DPYD: variants seen among roughly 807,000 people sequenced by gnomAD.
DPYD encodes the protein dihydropyrimidine dehydrogenase [NADP(+)].
In DPYD, 109 loss-of-function variants were observed where a neutral mutation model predicts 116.2. The observed-to-expected ratio is 0.94, with a 90% CI of 0.80 to 1.10. The LOEUF (loss-of-function observed/expected upper bound fraction) is 1.10, where lower values mean the gene tolerates loss of function less well. Among genes scored for constraint, DPYD ranks in the 50% least tolerant of loss-of-function variants. The pLI is 0.00. For missense variants in DPYD, 1,302 were observed against 1,254.5 expected (o/e 1.04, Z -0.57); for synonymous variants, 440 against 432.0 (o/e 1.02, Z -0.23).
At chr1:97,379,326 A>G (rs1671806493) in intron 15 of DPYD, among the ~76,000 whole-genome samples, 1 of 152,216 alleles carries the variant, frequency 6.6e-6, no homozygotes, top group Non-Finnish European at 1.5e-5. Flanking sequence ...AAATTAGGAA[A>G]GATGGAAAGA....
chr1:97,242,928 T>C (rs1445265057), intron 18 of DPYD, among the ~76,000 whole-genome samples: 1 of 151,842 alleles, frequency 6.6e-6, no homozygotes, highest in Non-Finnish European at 1.5e-5. Context: ...CATCAAATAT[T>C]TGAAGGATAA....
rs1039232875 is a variant in DPYD, at chr1:97,386,178, T to C, written c.1906-3717A>G. The stretch of plus-strand genomic sequence containing the variant: ...CCCTATCCATTGAAAGCAGACTCTA[T>C]CTTCTTGCCCAGAAAGATGAGAAAG... On this transcript the variant is annotated intron_variant, in intron 14 of 22. Transcript: ENST00000370192. Among the ~76,000 whole-genome samples the C allele has an allele frequency of 3.3e-5, 5 of 152,184 alleles. No individual in the cohort carries two copies. In the East Asian group the frequency reaches 7.8e-4, roughly 24 times the overall value.
intron 21 of DPYD, among the ~76,000 whole-genome samples, chr1:97,089,752 C>T (rs965741447): frequency 1.3e-5 from 2 of 151,520 alleles, no homozygotes; most frequent in African/African-American, 4.9e-5. Context: ...GGAAATCATG[C>T]AGATGCCAGG....
At chr1:97,248,950 G>C (rs1478745985) in intron 18 of DPYD, among the ~76,000 whole-genome samples, 1 of 152,062 alleles carries the variant, frequency 6.6e-6, no homozygotes, top group East Asian at 1.9e-4. Context: ...AAAAATTCAT[G>C]ATACTTCAGA....
intron 14 of DPYD, among the ~76,000 whole-genome samples, chr1:97,413,624 C>T (rs922947774): frequency 9.2e-5 from 14 of 152,002 alleles, no homozygotes; most frequent in Non-Finnish European, 5.9e-5. Flanking sequence ...AGGCCCATGC[C>T]ACCACACCTG....
intron 13 of DPYD, among the ~76,000 whole-genome samples, chr1:97,510,117 A>C (rs540129004): frequency 6.8e-6 from 1 of 148,058 alleles, no homozygotes; most frequent in Admixed American, 6.8e-5. Flanking sequence ...AAACAACAAC[A>C]AAAAAAAAAA....
chr1:97,445,454 T>C (rs1271089467), intron 14 of DPYD, among the ~76,000 whole-genome samples: 2 of 152,198 alleles, frequency 1.3e-5, no homozygotes, highest in Non-Finnish European at 2.9e-5. Context: ...TAACCTAATA[T>C]GTAACTTAAA....
At chr1:97,240,383 GT>G (rs1662252008) in intron 18 of DPYD, among the ~76,000 whole-genome samples, 1 of 151,952 alleles carries the variant, frequency 6.6e-6, no homozygotes, top group African/African-American at 2.4e-5. Context: ...GCAAGAGAGT[GT>G]GGAACATATG....
intron 1 of DPYD, among the ~76,000 whole-genome samples, chr1:97,905,627 G>A (rs1673574741): frequency 6.6e-6 from 1 of 152,030 alleles, no homozygotes; most frequent in East Asian, 1.9e-4. Context: ...AGTGATTGAT[G>A]ATATCTCATC....
intron 14 of DPYD, 82 bp downstream of exon 14, chr1:97,449,977 A>G: frequency 5.9e-6 from 9 of 1,533,918 alleles, no homozygotes; most frequent in Non-Finnish European, 8.1e-6. Context: ...ATTAATATTT[A>G]TAAGCCTATG....
chr1:97,086,296 C>T lies in DPYD; in HGVS notation c.2767-3826G>A, dbSNP rs190192292. On this transcript the variant is annotated intron_variant, in intron 21 of 22. Transcript: ENST00000370192. ...TCAAACTCTTGACCTTGTGTCCACC[C>T]GCCTTGGCCTCCCAAAGTGCTGGGA... Among the ~76,000 whole-genome samples the T allele has an allele frequency of 4.1e-3, 618 of 151,936 alleles. 3 individuals are homozygous for T. Among genetic ancestry groups the T allele is most frequent in the South Asian group, 0.01 (49 of 4,806 alleles).
intron 19 of DPYD, among the ~76,000 whole-genome samples, chr1:97,202,918 G>A (rs1197786107): frequency 6.6e-6 from 1 of 152,178 alleles, no homozygotes; most frequent in Admixed American, 6.6e-5. Flanking sequence ...GGTGATTACT[G>A]TTCTGTCTCT....
intron 14 of DPYD, among the ~76,000 whole-genome samples, chr1:97,410,095 A>G (rs1433837459): frequency 9.3e-6 from 1 of 108,038 alleles, no homozygotes; most frequent in Non-Finnish European, 2.1e-5. Flanking sequence ...GAAGAAGAAG[A>G]AAAAAAAAAA....
intron 16 of DPYD, among the ~76,000 whole-genome samples, chr1:97,311,500 C>T (rs1294197366): frequency 2.0e-5 from 3 of 151,644 alleles, no homozygotes; most frequent in African/African-American, 7.3e-5. Flanking sequence ...TATCTATCTA[C>T]CAGATTGGGG....
intron 2 of DPYD, among the ~76,000 whole-genome samples, chr1:97,830,875 A>C (rs1174010219): frequency 1.3e-5 from 2 of 152,142 alleles, no homozygotes; most frequent in Non-Finnish European, 2.9e-5. Flanking sequence ...CACTATAATG[A>C]GTAGAAGCGG....
intron 5 of DPYD, among the ~76,000 whole-genome samples, chr1:97,703,033 C>T (rs1248859012): frequency 1.3e-5 from 2 of 152,040 alleles, no homozygotes; most frequent in South Asian, 2.1e-4. Context: ...TGCTCAACCC[C>T]GTGCACTGCA....
chr1:97,317,989 A>C (rs1570503036), intron 16 of DPYD, among the ~76,000 whole-genome samples: 2 of 151,780 alleles, frequency 1.3e-5, no homozygotes, highest in East Asian at 3.9e-4. Flanking sequence ...TAAGCTTCAT[A>C]AGTGAAGGAG....
Position 97,098,591 on chromosome 1 carries a change from T to A in DPYD, c.2664A>T (p.Lys888Asn), listed in dbSNP as rs779573574. Residue 888 changes from lysine (K) to asparagine (N), a missense_variant, in exon 21 of 23, where the codon AAA becomes AAT. Coordinates refer to ENST00000370192, the MANE Select transcript of DPYD (RefSeq NM_000110.4). ...SFGPYLEQRK[K>N]IIAENKIRLK... Reference sequence around the variant, plus strand: ...GTCTAATCTTGTTTTCTGCTATGATTTTCTTGCGCTGTTCCAGATAAGGTC... The same window carrying A: ...GTCTAATCTTGTTTTCTGCTATGATATTCTTGCGCTGTTCCAGATAAGGTC... 1.2e-6 allele frequency: 2 copies of A among 1,613,048 alleles called. No individual in the cohort carries two copies. The highest frequency in any genetic ancestry group is 2.7e-5 in the African/African-American group (2 of 74,880).
chr1:97,423,073 G>C lies in DPYD; in HGVS notation c.1905+26986C>G, dbSNP rs533718316. On this transcript the variant is annotated intron_variant, in intron 14 of 22. Transcript: ENST00000370192. ...CACACAGAAAAAGCCAGTATTGCTG[G>C]ATGTTAATGACTGAGCAGGGAATGG... Among the ~76,000 whole-genome samples, 271 of 152,056 alleles carry C rather than the reference G, an allele frequency of 1.8e-3. 1 individual carries two copies. The highest frequency in any genetic ancestry group is 4.0e-3 in the South Asian group (19 of 4,802).
Sources: gnomAD v4.1 joint callset for allele counts (sites outside exome capture counted in the v4.1 genomes callset) on GRCh38, gnomAD v4.1.1 for gene constraint, MANE v1.5 for transcripts, NCBI Gene and HGNC (gene_info 2026-07-23, HGNC 2026-07-21) for gene names.